AGAP1: variants seen among roughly 807,000 people sequenced by gnomAD.
AGAP1 encodes arf-GAP with GTPase, ANK repeat and PH domain-containing protein 1.
Under a neutral mutation model 105.3 loss-of-function variants are expected in AGAP1, and 29 were observed. The ratio of observed to expected loss-of-function variants is 0.28; its 90% CI spans 0.21 to 0.38. The LOEUF is 0.38. Among genes scored for constraint, AGAP1 ranks in the 10% least tolerant of loss-of-function variants. The pLI, the probability that AGAP1 is intolerant of heterozygous loss-of-function variation, is 1.00. For synonymous variants in AGAP1, 509 were observed against 485.9 expected (o/e 1.05, Z -0.63); for missense variants, 998 against 1,165.1 (o/e 0.86, Z 2.09).
chr2:235,803,169 GT>G, intron 8 of AGAP1, among the ~76,000 whole-genome samples: 1 of 147,618 alleles, frequency 6.8e-6, no homozygotes, highest in Non-Finnish European at 1.5e-5. Context: ...GATGGTTGTG[GT>G]TGTGGTGATG....
intron 1 of AGAP1, among the ~76,000 whole-genome samples, chr2:235,624,547 A>T (rs914260584): frequency 6.6e-6 from 1 of 152,134 alleles, no homozygotes; most frequent in Non-Finnish European, 1.5e-5. Flanking sequence ...AAAATATTTC[A>T]TTACTTAAAT....
In AGAP1 at chr2:235,655,542, C is replaced by G. The variant is rs565638041; in HGVS notation, c.164-53637C>G. ...TGTATTTCACCAGTATAATACTCCC[C>G]ACTCCTAGTTGGGAATATCTAACCT... On this transcript the variant is annotated intron_variant, in intron 1 of 17. Coordinates refer to ENST00000304032, the MANE Select transcript of AGAP1 (RefSeq NM_001037131.3). This position sits in a 1 kb window ranked among gnomAD's most constrained non-coding sequence, Gnocchi z 4.3. 3.5e-4 allele frequency among the ~76,000 whole-genome samples: 54 copies of G among 152,290 alleles called. No individual in the cohort carries two copies. Among genetic ancestry groups the G allele is most frequent in the Non-Finnish European group, 6.2e-4 (42 of 68,030 alleles).
chr2:235,667,876 T>C (rs1948176842), intron 1 of AGAP1, among the ~76,000 whole-genome samples: 2 of 147,566 alleles, frequency 1.4e-5, no homozygotes, highest in South Asian at 4.2e-4. Context: ...GGAGAATCAC[T>C]TGAACCCAGG....
In AGAP1 at chr2:235,733,206, C is replaced by T. The variant is rs748981015; in HGVS notation, c.311-7757C>T. On this transcript the variant is annotated intron_variant, in intron 3 of 17. Transcript: ENST00000304032. This position sits in a 1 kb window ranked among gnomAD's most constrained non-coding sequence, Gnocchi z 5.0. ...GCCCCCCTGCGTGGGTCACTTCTCC[C>T]GCTCACCAGGCAACACGGGCATCTT... Among the ~76,000 whole-genome samples the T allele has an allele frequency of 3.0e-4, 45 of 152,322 alleles. No homozygotes were observed. Among genetic ancestry groups the T allele is most frequent in the South Asian group, 1.2e-3 (6 of 4,832 alleles).
rs1324708255 is a variant in AGAP1 at position 235,556,168 on chromosome 2, G to GT, written c.163+61319_163+61320insT. On this transcript the variant is annotated intron_variant, in intron 1 of 17. Coordinates refer to ENST00000304032, the MANE Select transcript of AGAP1 (RefSeq NM_001037131.3). The surrounding 1 kb of genome is among the most constrained non-coding windows in gnomAD (Gnocchi z 5.3). Reference sequence around the variant, plus strand: ...GGAGGGAGCCAGCCTGGTGGACCGTGGCCTGCACACCTGCAGCAGCTCCTC... The same window carrying GT: ...GGAGGGAGCCAGCCTGGTGGACCGTGTGCCTGCACACCTGCAGCAGCTCCTC... Among the ~76,000 whole-genome samples the GT allele has an allele frequency of 5.9e-5, 9 of 152,002 alleles. No homozygotes were observed. The highest frequency in any genetic ancestry group is 1.0e-4 in the Non-Finnish European group (7 of 67,964).
intron 9 of AGAP1, among the ~76,000 whole-genome samples, chr2:235,808,044 GAA>G (rs71938119): frequency 8.3e-5 from 12 of 144,516 alleles, no homozygotes; most frequent in Admixed American, 2.7e-4. Flanking sequence ...TCTCCAATAA[GAA>G]AAAAAAAAAA....
rs892221067 is a variant in AGAP1, at chr2:236,101,315, A to T, written c.2115-18877A>T. 6.6e-6 allele frequency among the ~76,000 whole-genome samples: 1 copy of T among 152,174 alleles called. No homozygotes were observed. Among genetic ancestry groups the T allele is most frequent in the Non-Finnish European group, 1.5e-5 (1 of 68,032 alleles). On this transcript the variant is annotated intron_variant, in intron 16 of 17. Coordinates refer to ENST00000304032, the MANE Select transcript of AGAP1 (RefSeq NM_001037131.3). The surrounding 1 kb of genome is among the most constrained non-coding windows in gnomAD (Gnocchi z 4.9). ...AATGGTCCTATGTCTTTAAACAATA[A>T]TATTACCACAGGCCGCAGTTCTTAA...
rs1162782768 is a variant in AGAP1, at chr2:236,058,653, C to G, written c.2114+9372C>G. Among the ~76,000 whole-genome samples, 1 of 152,112 alleles carries G rather than the reference C, an allele frequency of 6.6e-6. No individual in the cohort carries two copies. Among genetic ancestry groups the G allele is most frequent in the Non-Finnish European group, 1.5e-5 (1 of 68,024 alleles). ...TGGTGAAATACTGCAGGCTTTTCCC[C>G]TAAGATCACAAACAAGACAAGAATG... On this transcript the variant is annotated intron_variant, in intron 16 of 17. Coordinates refer to ENST00000304032, the MANE Select transcript of AGAP1 (RefSeq NM_001037131.3). The surrounding 1 kb of genome is among the most constrained non-coding windows in gnomAD (Gnocchi z 4.6).
intron 1 of AGAP1, among the ~76,000 whole-genome samples, chr2:235,508,244 C>T (rs891381406): frequency 6.6e-6 from 1 of 152,208 alleles, no homozygotes; most frequent in Non-Finnish European, 1.5e-5. Context: ...AGTGAACACA[C>T]AACTAACTGC....
Position 235,968,646 on chromosome 2 carries a change from GGA to G in AGAP1, c.1645+29_1645+30del, listed in dbSNP as rs140546986. ...AAGGTAAGGGTTCCGCGGTGCCCCG[GGA>G]GAGAGTCTCCACTGCGGAAAATTCT... On this transcript the variant is annotated intron_variant, in intron 13 of 17. Coordinates refer to ENST00000304032, the MANE Select transcript of AGAP1 (RefSeq NM_001037131.3). The G allele has an allele frequency of 3.7e-3, 5,943 of 1,591,472 alleles. 202 individuals carry two copies. The African/African-American group carries it at 0.073, about 19-fold the overall frequency.
rs1417942817 is a variant in AGAP1 at position 236,055,195 on chromosome 2, G to T, written c.2114+5914G>T. Among the ~76,000 whole-genome samples the T allele has an allele frequency of 6.6e-6, 1 of 152,138 alleles. No homozygotes were observed. Among genetic ancestry groups the T allele is most frequent in the African/African-American group, 2.4e-5 (1 of 41,424 alleles). On this transcript the variant is annotated intron_variant, in intron 16 of 17. Transcript: ENST00000304032. This position sits in a 1 kb window ranked among gnomAD's most constrained non-coding sequence, Gnocchi z 6.2. ...ATGCAGAGGGTTCAGGGAGCTGGGG[G>T]CTCGTTTGGAGTTTTAATCAGCCTG...
chr2:235,534,020 A>G (rs1052937908), intron 1 of AGAP1, among the ~76,000 whole-genome samples: 6 of 152,236 alleles, frequency 3.9e-5, no homozygotes, highest in African/African-American at 7.2e-5. Context: ...CCCCTAACCA[A>G]CATTTCTGTA....
chr2:235,807,532 A>G (rs1213029380), intron 9 of AGAP1, among the ~76,000 whole-genome samples: 3 of 152,384 alleles, frequency 2.0e-5, no homozygotes, highest in African/African-American at 7.2e-5. Flanking sequence ...AACGGAGACA[A>G]CAGACCTAAT....
chr2:235,695,919 T>G lies in AGAP1; in HGVS notation c.164-13260T>G, dbSNP rs139766108. Among the ~76,000 whole-genome samples, 832 of 152,270 alleles carry G rather than the reference T, an allele frequency of 5.5e-3. 12 individuals carry two copies. Among genetic ancestry groups the G allele is most frequent in the African/African-American group, 0.019 (799 of 41,572 alleles). The stretch of plus-strand genomic sequence containing the variant: ...TCTGTGATGTAGTCTTCAAGTTTTA[T>G]TCCCTTGGGTGCACCAGCGGAAGGT... On this transcript the variant is annotated intron_variant, in intron 1 of 17. Coordinates refer to ENST00000304032, the MANE Select transcript of AGAP1 (RefSeq NM_001037131.3).
rs952715374 is a variant in AGAP1, at chr2:235,578,271, C to A, written c.163+83422C>A. On this transcript the variant is annotated intron_variant, in intron 1 of 17. Transcript: ENST00000304032. The surrounding 1 kb of genome is among the most constrained non-coding windows in gnomAD (Gnocchi z 4.9). ...CTCCTACCTGCACTGTGCCCCCACA[C>A]CTTTGTTGACAAGGACCTGACCTCT... 6.6e-6 allele frequency among the ~76,000 whole-genome samples: 1 copy of A among 152,134 alleles called. No homozygotes were observed. Among genetic ancestry groups the A allele is most frequent in the Non-Finnish European group, 1.5e-5 (1 of 68,020 alleles).
chr2:235,969,848 C>T (rs1024007150), intron 13 of AGAP1, among the ~76,000 whole-genome samples: 10 of 152,220 alleles, frequency 6.6e-5, no homozygotes, highest in African/African-American at 2.4e-4. Context: ...CTTTCTCCTT[C>T]ACCACGTTTC....
intron 6 of AGAP1, among the ~76,000 whole-genome samples, chr2:235,759,255 A>C (rs866858395): frequency 7.6e-6 from 1 of 131,502 alleles, no homozygotes; most frequent in African/African-American, 2.9e-5. Context: ...TGCAAGCTCC[A>C]CCTCCTGGGT....
At chr2:235,595,609 C>T (rs1268550493) in intron 1 of AGAP1, among the ~76,000 whole-genome samples, 1 of 152,186 alleles carries the variant, frequency 6.6e-6, no homozygotes, top group Non-Finnish European at 1.5e-5. Context: ...TTTCCAGCAG[C>T]CACCAGCAGG....
chr2:235,855,659 C>T lies in AGAP1; in HGVS notation c.1051-27686C>T, dbSNP rs911558926. ...TACTCATCTCATTCTCTTATCTCCACTGTGCTGGGAAGACCGAGAGGCTGA... is the reference window on the plus strand; with the variant it reads ...TACTCATCTCATTCTCTTATCTCCATTGTGCTGGGAAGACCGAGAGGCTGA... On this transcript the variant is annotated intron_variant, in intron 9 of 17. Coordinates refer to ENST00000304032, the MANE Select transcript of AGAP1 (RefSeq NM_001037131.3). This position sits in a 1 kb window ranked among gnomAD's most constrained non-coding sequence, Gnocchi z 5.0. Among the ~76,000 whole-genome samples the T allele has an allele frequency of 1.3e-5, 2 of 152,154 alleles. No homozygotes were observed. Among genetic ancestry groups the T allele is most frequent in the African/African-American group, 2.4e-5 (1 of 41,426 alleles).
Sources: allele counts gnomAD v4.1 joint callset (sites outside exome capture counted in the v4.1 genomes callset), GRCh38; gene constraint gnomAD v4.1.1; non-coding constraint Gnocchi (gnomAD v3.1); transcripts MANE v1.5; gene names NCBI Gene and HGNC (gene_info 2026-07-23, HGNC 2026-07-21).